The following CFLAR variants were observed in gnomAD, a reference collection of about 807,000 sequenced individuals.
The protein encoded by CFLAR is CASP8 and FADD like apoptosis regulator.
A neutral mutation model predicts 51.1 loss-of-function variants in CFLAR; 14 were observed. That is an observed-to-expected ratio of 0.27 (90% CI 0.18 to 0.43). The LOEUF (loss-of-function observed/expected upper bound fraction) is 0.43. Among genes scored for constraint, CFLAR ranks in the 20% least tolerant of loss-of-function variants. The pLI is 1.00. For missense variants in CFLAR, 390 were observed against 566.5 expected (o/e 0.69, Z 3.16); for synonymous variants, 210 against 211.6 (o/e 0.99, Z 0.06).
In CFLAR at chr2:201,149,557, T is replaced by C. The variant is rs1940893664; in HGVS notation, c.712-197T>C. On this transcript the variant is annotated intron_variant, in intron 7 of 9. Coordinates refer to ENST00000309955, the MANE Select transcript of CFLAR (RefSeq NM_003879.7). ...ATTAAATAAAAATGAAAATAATTTG[T>C]CTTAAGCACATTACCCTAATAGAGG... 1.3e-5 allele frequency: 6 copies of C among 466,586 alleles called. No individual in the cohort carries two copies. The South Asian group carries it at 1.9e-4, about 15-fold the overall frequency. 28.9% of individuals were successfully genotyped at this position (466,586 alleles called of 1,614,324 possible). A position where few individuals can be genotyped will look rare whatever the true frequency, so the allele number is the denominator to read the frequency against.
At chr2:201,136,739 A>AT (rs1180235177) in intron 4 of CFLAR, 7 of 485,074 alleles carry the variant, frequency 1.4e-5, no homozygotes, top group Admixed American at 3.4e-5. Context: ...CTTTTACCCC[A>AT]ACATACTCTA....
intron 4 of CFLAR, chr2:201,140,079 G>A (rs1575729893): frequency 7.1e-6 from 1 of 140,954 alleles, no homozygotes; most frequent in Admixed American, 9.2e-5. Flanking sequence ...GCTGCGACGC[G>A]GAGGCGCGCC....
intron 4 of CFLAR, chr2:201,136,333 A>T (rs764861921): frequency 6.3e-7 from 1 of 1,598,584 alleles, no homozygotes; most frequent in South Asian, 1.1e-5. Context: ...AAATGCTGCC[A>T]AGCAGTTCTT....
chr2:201,169,409 A>G lies in CFLAR; in HGVS notation c.*5436A>G, dbSNP rs1407125941. The G allele has an allele frequency of 2.6e-5, 4 of 152,232 alleles. No homozygotes were observed. Among genetic ancestry groups the G allele is most frequent in the Non-Finnish European group, 5.9e-5 (4 of 68,030 alleles). The allele number at this position is 152,232 out of a possible 1,614,324, so 9.4% of individuals were successfully genotyped here. A position where few individuals can be genotyped will look rare whatever the true frequency, so the allele number is the denominator to read the frequency against. On this transcript the variant is annotated 3_prime_UTR_variant, in exon 10 of 10. Transcript: ENST00000309955. ...GGTGCTGGGAAAACTGGCTAGCCATATGCAGAAAATTGAAACTGACCCCTT... is the reference window on the plus strand; with the variant it reads ...GGTGCTGGGAAAACTGGCTAGCCATGTGCAGAAAATTGAAACTGACCCCTT...
intron 4 of CFLAR, chr2:201,140,100 T>A: frequency 5.0e-6 from 1 of 199,334 alleles, no homozygotes; most frequent in Non-Finnish European, 8.9e-6. Flanking sequence ...GCTGCCACGC[T>A]GCAGCCAGGC....
At chr2:201,122,486 C>T (rs943681055) in intron 1 of CFLAR, 2 of 152,194 alleles carry the variant, frequency 1.3e-5, no homozygotes, top group African/African-American at 2.4e-5. Context: ...CCAATGATGA[C>T]CAGTCTGTTC....
In CFLAR at chr2:201,136,498, C is replaced by A; in HGVS notation, c.523+391C>A. On this transcript the variant is annotated intron_variant, in intron 4 of 9. Transcript: ENST00000309955. Reference sequence around the variant, plus strand: ...ACTTCGGGTGATGTCACTTGGGTCTCATACCTTCCTTGCATGTGTCCCAAG... The same window carrying A: ...ACTTCGGGTGATGTCACTTGGGTCTAATACCTTCCTTGCATGTGTCCCAAG... 6 of 1,580,382 alleles carry A rather than the reference C, an allele frequency of 3.8e-6. No individual in the cohort carries two copies. The South Asian group carries it at 5.6e-5, about 15-fold the overall frequency.
intron 5 of CFLAR, chr2:201,140,774 T>TATATACATAC (rs1327076163): frequency 6.8e-5 from 11 of 161,926 alleles, no homozygotes; most frequent in African/African-American, 2.4e-4. Context: ...TATATATATA[T>TATATACATAC]ATACATACAT....
At position 201,174,470 on chromosome 2, in the gene CFLAR, A is replaced by T. The variant is rs560329352; in HGVS notation, c.*10497A>T. On this transcript the variant is annotated 3_prime_UTR_variant, in exon 10 of 10. Transcript: ENST00000309955. Reference sequence around the variant, plus strand: ...TTGCTCTATCTTATGGTAGTACCACACTGTCTTGATTATTGTAACTTCGTA... The same window carrying T: ...TTGCTCTATCTTATGGTAGTACCACTCTGTCTTGATTATTGTAACTTCGTA... 6 of 152,222 alleles carry T rather than the reference A, an allele frequency of 3.9e-5. No individual in the cohort carries two copies. Among genetic ancestry groups the T allele is most frequent in the Non-Finnish European group, 5.9e-5 (4 of 68,044 alleles). 9.4% of individuals were successfully genotyped at this position (152,222 alleles called of 1,614,324 possible).
At chr2:201,146,958 AAT>A (rs1238354929) in intron 6 of CFLAR, among the ~76,000 whole-genome samples, 1 of 152,252 alleles carries the variant, frequency 6.6e-6, no homozygotes, top group Non-Finnish European at 1.5e-5. Flanking sequence ...CTGAGAAGCG[AAT>A]TAATTCCTGA....
chr2:201,162,095 T>C (rs973143760), intron 9 of CFLAR, among the ~76,000 whole-genome samples: 6 of 151,906 alleles, frequency 3.9e-5, no homozygotes, highest in Admixed American at 6.6e-5. Context: ...CATGTAGAAG[T>C]ATATCTTTTT....
rs1261418600 is a variant in CFLAR at position 201,175,739 on chromosome 2, G to A, written c.*11766G>A. ...AACCTCAATTCTTTCCTCCTCAGAA[G>A]AAAGAATTTGACTGAGGGGCATAAG... On this transcript the variant is annotated 3_prime_UTR_variant, in exon 10 of 10. Transcript: ENST00000309955. 1.3e-5 allele frequency: 2 copies of A among 152,184 alleles called. No homozygotes were observed. Among genetic ancestry groups the A allele is most frequent in the Non-Finnish European group, 2.9e-5 (2 of 68,054 alleles). The allele number at this position is 152,184 out of a possible 1,614,324, so 9.4% of individuals were successfully genotyped here. A position where few individuals can be genotyped will look rare whatever the true frequency, so the allele number is the denominator to read the frequency against.
chr2:201,135,473 C>T (rs2049974544), intron 3 of CFLAR, among the ~76,000 whole-genome samples: 1 of 152,198 alleles, frequency 6.6e-6, no homozygotes, highest in African/African-American at 2.4e-5. Context: ...GACTTACCAC[C>T]ACCTCTGTTC....
rs1254582220 is a variant in CFLAR, at chr2:201,167,648, T to G, written c.*3675T>G. The G allele has an allele frequency of 6.6e-6, 1 of 152,250 alleles. No homozygotes were observed. Among genetic ancestry groups the G allele is most frequent in the Non-Finnish European group, 1.5e-5 (1 of 68,056 alleles). The allele number at this position is 152,250 out of a possible 1,614,324, so 9.4% of individuals were successfully genotyped here. A position where few individuals can be genotyped will look rare whatever the true frequency, so the allele number is the denominator to read the frequency against. ...GCCAGTGGGAAGTAATGTGTATGCTTGGCCTCATGAGCTAAAACCCTGTGT... is the reference window on the plus strand; with the variant it reads ...GCCAGTGGGAAGTAATGTGTATGCTGGGCCTCATGAGCTAAAACCCTGTGT... On this transcript the variant is annotated 3_prime_UTR_variant, in exon 10 of 10. Transcript: ENST00000309955.
intron 9 of CFLAR, chr2:201,163,488 G>C: frequency 8.9e-7 from 1 of 1,117,830 alleles, no homozygotes; most frequent in East Asian, 6.0e-5. Flanking sequence ...AGCAGGAAGC[G>C]GGGGTTAGAG....
rs6738057 is a variant in CFLAR at position 201,124,627 on chromosome 2, G to A, written c.-137-5102G>A. Among the ~76,000 whole-genome samples the A allele has an allele frequency of 1.9e-3, 294 of 152,284 alleles. 1 individual carries two copies. The highest frequency in any genetic ancestry group is 6.3e-3 in the African/African-American group (263 of 41,552). On this transcript the variant is annotated intron_variant, in intron 1 of 9. Transcript: ENST00000309955. The surrounding 1 kb of genome is among the most constrained non-coding windows in gnomAD (Gnocchi z 4.7). The stretch of plus-strand genomic sequence containing the variant: ...TGGGATTACAGGTGTGAGCCACCGC[G>A]CCTGGCCAGTTCAGGCATGAACTTT...
At chr2:201,135,534 A>G (rs2049984236) in intron 3 of CFLAR, among the ~76,000 whole-genome samples, 1 of 152,204 alleles carries the variant, frequency 6.6e-6, no homozygotes, top group Admixed American at 6.5e-5. Flanking sequence ...GTCTGGTTTA[A>G]GATCACTGAA....
At chr2:201,160,322 C>CAGAA in intron 8 of CFLAR, 110 bp from the exon 9 acceptor site, 1 of 1,193,380 alleles carries the variant, frequency 8.4e-7, no homozygotes, top group Non-Finnish European at 1.2e-6. Flanking sequence ...GACACAAAAG[C>CAGAA]AGAAGCTTTT....
At chr2:201,162,725 A>G (rs1943184258) in intron 9 of CFLAR, 2 of 335,482 alleles carry the variant, frequency 6.0e-6, no homozygotes, top group Non-Finnish European at 5.8e-6. Flanking sequence ...GCACCCCTCT[A>G]TCCCATGTAT....
Sources: gnomAD v4.1 joint callset for allele counts (sites outside exome capture counted in the v4.1 genomes callset) on GRCh38, gnomAD v4.1.1 for gene constraint, Gnocchi (gnomAD v3.1) non-coding constraint, MANE v1.5 for transcripts, NCBI Gene and HGNC (gene_info 2026-07-23, HGNC 2026-07-21) for gene names.